DENND3: variants seen among roughly 807,000 people sequenced by gnomAD.
The protein encoded by DENND3 is DENN domain-containing protein 3.
A neutral mutation model predicts 135.1 loss-of-function variants in DENND3; 88 were observed. The ratio of observed to expected loss-of-function variants is 0.65; its 90% CI spans 0.55 to 0.78. DENND3 has a LOEUF of 0.78. Among genes scored for constraint, DENND3 ranks in the 30% least tolerant of loss-of-function variants. The pLI is 0.00. For synonymous variants in DENND3, 693 were observed against 712.3 expected (o/e 0.97, Z 0.43); for missense variants, 1,392 against 1,688.4 (o/e 0.82, Z 3.08).
At position 141,166,713 on chromosome 8, in the gene DENND3, G is replaced by A. The variant is rs567738112; in HGVS notation, c.1753+324G>A. On this transcript the variant is annotated intron_variant, in intron 12 of 22. Transcript: ENST00000519811. This position sits in a 1 kb window ranked among gnomAD's most constrained non-coding sequence, Gnocchi z 4.3. ...TAAATACATATTTACACATCCACAC[G>A]TGTGATAGGAGGCAGGGAGCGCACC... Among the ~76,000 whole-genome samples, 105 of 152,312 alleles carry A rather than the reference G, an allele frequency of 6.9e-4. No homozygotes were observed. The highest frequency in any genetic ancestry group is 1.1e-3 in the Non-Finnish European group (75 of 68,030).
Position 141,151,817 on chromosome 8 carries a change from C to A in DENND3, c.1054C>A (p.His352Asn). 6.2e-7 allele frequency: 1 copy of A among 1,614,198 alleles called. No homozygotes were observed. Among genetic ancestry groups the A allele is most frequent in the Non-Finnish European group, 8.5e-7 (1 of 1,180,044 alleles). Residue 352 changes from histidine to asparagine, a missense_variant, in exon 7 of 23, where the codon CAC (histidine) becomes AAC (asparagine). Coordinates refer to ENST00000519811, the MANE Select transcript of DENND3 (RefSeq NM_001352890.3). ...TSFLMGCHLD[H>N]FEEVSKEADG... ...CTTCCTGATGGGCTGCCATCTCGAC[C>A]ACTTCGAAGAAGTCAGCAAGGTTAG...
At chr8:141,190,447 C>A in intron 20 of DENND3, 30 bp downstream of exon 20, 1 of 1,581,712 alleles carries the variant, frequency 6.3e-7, no homozygotes. Context: ...TCAGAGCGGG[C>A]ACCCTACCTC....
intron 18 of DENND3, among the ~76,000 whole-genome samples, chr8:141,187,394 T>G (rs1185498321): frequency 6.6e-6 from 1 of 152,034 alleles, no homozygotes; most frequent in African/African-American, 2.4e-5. Context: ...CCGGCTAATT[T>G]TTGTATTTTG....
intron 17 of DENND3, 84 bp downstream of exon 17, chr8:141,180,938 T>A: frequency 9.3e-7 from 1 of 1,077,308 alleles, no homozygotes; most frequent in Non-Finnish European, 1.3e-6. Flanking sequence ...AGCCCTGAAG[T>A]GAAAGGGGAG....
chr8:141,128,780 C>A lies in DENND3; in HGVS notation c.73C>A (p.Pro25Thr). The change falls in exon 1 of 23, where the codon CCC becomes ACC. Residue 25 changes from proline to threonine, a missense_variant. Transcript: ENST00000519811. The surrounding 1 kb of genome is among the most constrained non-coding windows in gnomAD (Gnocchi z 4.5). ...LLELCALLGAPRDSLRSLEQV... is the reference protein window; with the variant it reads ...LLELCALLGATRDSLRSLEQV... Reference sequence around the variant, plus strand: ...GGAGCTCTGCGCGCTGCTGGGCGCCCCCCGGGACAGTCTCCGAAGTCTCGA... The same window carrying A: ...GGAGCTCTGCGCGCTGCTGGGCGCCACCCGGGACAGTCTCCGAAGTCTCGA... 1 of 1,462,952 alleles carries A rather than the reference C, an allele frequency of 6.8e-7. No homozygotes were observed. The highest frequency in any genetic ancestry group is 9.0e-7 in the Non-Finnish European group (1 of 1,108,634). 90.6% of individuals were successfully genotyped at this position (1,462,952 alleles called of 1,614,324 possible).
chr8:141,183,886 C>T (rs1589702840), intron 17 of DENND3, among the ~76,000 whole-genome samples: 1 of 152,304 alleles, frequency 6.6e-6, no homozygotes, highest in East Asian at 1.9e-4. Flanking sequence ...TCCAGGCCGC[C>T]ACCGCCCAGG....
chr8:141,134,047 C>G (rs1046341277), intron 1 of DENND3, among the ~76,000 whole-genome samples: 1 of 151,932 alleles, frequency 6.6e-6, no homozygotes, highest in African/African-American at 2.4e-5. Flanking sequence ...CAGAGAGGAG[C>G]CATCAGACCA....
chr8:141,154,007 T>C lies in DENND3; in HGVS notation c.1075-1842T>C, dbSNP rs1302574572. 6.6e-6 allele frequency among the ~76,000 whole-genome samples: 1 copy of C among 152,194 alleles called. No individual in the cohort carries two copies. The highest frequency in any genetic ancestry group is 1.5e-5 in the Non-Finnish European group (1 of 68,026). ...CAGGAAGGAGCTGGCAGTGACCCTA[T>C]GCGCCTCCACCAAACACTTGTGTCT... On this transcript the variant is annotated intron_variant, in intron 7 of 22. Transcript: ENST00000519811. The surrounding 1 kb of genome is among the most constrained non-coding windows in gnomAD (Gnocchi z 4.4).
At position 141,130,568 on chromosome 8, in the gene DENND3, A is replaced by T. The variant is rs1815906046; in HGVS notation, c.102+1759A>T. Among the ~76,000 whole-genome samples, 1 of 152,126 alleles carries T rather than the reference A, an allele frequency of 6.6e-6. No homozygotes were observed. Among genetic ancestry groups the T allele is most frequent in the Non-Finnish European group, 1.5e-5 (1 of 68,040 alleles). Reference sequence around the variant, plus strand: ...TAAGGAGCGTTAGGGGATGGATTCCATTTCTTGGAGCCATCCTACTTTTAA... The same window carrying T: ...TAAGGAGCGTTAGGGGATGGATTCCTTTTCTTGGAGCCATCCTACTTTTAA... On this transcript the variant is annotated intron_variant, in intron 1 of 22. Transcript: ENST00000519811. This position sits in a 1 kb window ranked among gnomAD's most constrained non-coding sequence, Gnocchi z 4.2.
chr8:141,175,165 G>GT lies in DENND3; in HGVS notation c.2276-34dup, dbSNP rs1444105790. The GT allele has an allele frequency of 6.3e-7, 1 of 1,590,958 alleles. No individual in the cohort carries two copies. On this transcript the variant is annotated intron_variant, in intron 13 of 22. Transcript: ENST00000519811. The surrounding 1 kb of genome is among the most constrained non-coding windows in gnomAD (Gnocchi z 5.4). Reference sequence around the variant, plus strand: ...CTTGGGGCTCCCGAGGTATGTGGCTGTAAGATACCTCTCTTTTCTTCTTAT... The same window carrying GT: ...CTTGGGGCTCCCGAGGTATGTGGCTGTTAAGATACCTCTCTTTTCTTCTTAT...
chr8:141,192,935 G>A (rs561297853), intron 22 of DENND3: 45 of 1,376,900 alleles, frequency 3.3e-5, no homozygotes, highest in Admixed American at 2.3e-4. Flanking sequence ...CACAGTTCTC[G>A]ACGCTGGAGG....
In DENND3 at chr8:141,128,917, G is replaced by A. The variant is rs1430098069; in HGVS notation, c.102+108G>A. The A allele has an allele frequency of 1.7e-5, 14 of 832,948 alleles. No homozygotes were observed. Among genetic ancestry groups the A allele is most frequent in the Non-Finnish European group, 2.3e-5 (14 of 601,190 alleles). 51.6% of individuals were successfully genotyped at this position (832,948 alleles called of 1,614,324 possible). ...CTGTGGGTTGGCGCGGACTTTCCGA[G>A]GGCTGAGTCCCGGTCCCCCGGCGGT... On this transcript the variant is annotated intron_variant, in intron 1 of 22. Coordinates refer to ENST00000519811, the MANE Select transcript of DENND3 (RefSeq NM_001352890.3). This position sits in a 1 kb window ranked among gnomAD's most constrained non-coding sequence, Gnocchi z 4.5.
intron 3 of DENND3, among the ~76,000 whole-genome samples, chr8:141,140,682 C>T (rs968727728): frequency 1.3e-5 from 2 of 152,204 alleles, no homozygotes; most frequent in Admixed American, 6.5e-5. Context: ...CATGCCCTTC[C>T]ATCCCTACAA....
rs115507316 is a variant in DENND3, at chr8:141,175,023, G to T, written c.2276-177G>T. 5.0e-3 allele frequency among the ~76,000 whole-genome samples: 769 copies of T among 152,298 alleles called. 11 individuals carry two copies. The highest frequency in any genetic ancestry group is 0.016 in the African/African-American group (648 of 41,562). On this transcript the variant is annotated intron_variant, in intron 13 of 22. Coordinates refer to ENST00000519811, the MANE Select transcript of DENND3 (RefSeq NM_001352890.3). This position sits in a 1 kb window ranked among gnomAD's most constrained non-coding sequence, Gnocchi z 5.4. Reference sequence around the variant, plus strand: ...TCCCTTGACAGCTGGACACACCTGGGCTGCAGGGAAGGCCCTGGGAAACCT... The same window carrying T: ...TCCCTTGACAGCTGGACACACCTGGTCTGCAGGGAAGGCCCTGGGAAACCT...
At position 141,138,224 on chromosome 8, in the gene DENND3, A is replaced by G; in HGVS notation, c.501+87A>G. On this transcript the variant is annotated intron_variant, in intron 3 of 22. Coordinates refer to ENST00000519811, the MANE Select transcript of DENND3 (RefSeq NM_001352890.3). This position sits in a 1 kb window ranked among gnomAD's most constrained non-coding sequence, Gnocchi z 4.8. ...CACATAACACAACATTCACCATTCT[A>G]ACCATTTTAAAGTGTGCAGTTCCGT... The G allele has an allele frequency of 7.4e-7, 1 of 1,359,774 alleles. No homozygotes were observed. The highest frequency in any genetic ancestry group is 1.0e-6 in the Non-Finnish European group (1 of 979,382). 84.2% of individuals were successfully genotyped at this position (1,359,774 alleles called of 1,614,324 possible). A position where few individuals can be genotyped will look rare whatever the true frequency, so the allele number is the denominator to read the frequency against.
chr8:141,181,584 A>C (rs1023130495), intron 17 of DENND3, among the ~76,000 whole-genome samples: 1 of 152,186 alleles, frequency 6.6e-6, no homozygotes, highest in Non-Finnish European at 1.5e-5. Flanking sequence ...TGGCAGGAGA[A>C]GGAAATGGGC....
Position 141,141,911 on chromosome 8 carries a change from G to A in DENND3, c.623+587G>A, listed in dbSNP as rs1817505147. 1.0e-5 allele frequency: 2 copies of A among 194,216 alleles called. No individual in the cohort carries two copies. Among genetic ancestry groups the A allele is most frequent in the Non-Finnish European group, 2.2e-5 (2 of 92,274 alleles). The allele number at this position is 194,216 out of a possible 1,614,324, so 12.0% of individuals were successfully genotyped here. On this transcript the variant is annotated intron_variant, in intron 4 of 22. Transcript: ENST00000519811. The surrounding 1 kb of genome is among the most constrained non-coding windows in gnomAD (Gnocchi z 5.3). ...ATTTAAAAACTAGTTGGGCATGGTG[G>A]TGTGTGCCTGTAGTCCCAGCTACTG...
rs1449024851 is a variant in DENND3, at chr8:141,182,837, C to G, written c.2944+1983C>G. ...GAGTTAGGAGAACCAGCCCTGAGGC[C>G]AGGCCACAGGTCAGCTCAGGCTCTG... On this transcript the variant is annotated intron_variant, in intron 17 of 22. Transcript: ENST00000519811. The surrounding 1 kb of genome is among the most constrained non-coding windows in gnomAD (Gnocchi z 5.9). 6.6e-6 allele frequency among the ~76,000 whole-genome samples: 1 copy of G among 152,204 alleles called. No individual in the cohort carries two copies. The highest frequency in any genetic ancestry group is 1.9e-4 in the East Asian group (1 of 5,188).
Position 141,130,721 on chromosome 8 carries a change from C to G in DENND3, c.102+1912C>G, listed in dbSNP as rs1242521297. Among the ~76,000 whole-genome samples the G allele has an allele frequency of 4.0e-5, 6 of 148,610 alleles. No homozygotes were observed. The highest frequency in any genetic ancestry group is 7.4e-5 in the Non-Finnish European group (5 of 67,480). On this transcript the variant is annotated intron_variant, in intron 1 of 22. Transcript: ENST00000519811. The surrounding 1 kb of genome is among the most constrained non-coding windows in gnomAD (Gnocchi z 4.2). Reference sequence around the variant, plus strand: ...TTTTTTTTTGAGACAGAGTTTTGCTCTGTTGCCCAGGATGGAGTGCCATGG... The same window carrying G: ...TTTTTTTTTGAGACAGAGTTTTGCTGTGTTGCCCAGGATGGAGTGCCATGG...
Sources: gnomAD v4.1 joint callset for allele counts (sites outside exome capture counted in the v4.1 genomes callset) on GRCh38, gnomAD v4.1.1 for gene constraint, Gnocchi (gnomAD v3.1) non-coding constraint, MANE v1.5 for transcripts, NCBI Gene and HGNC (gene_info 2026-07-23, HGNC 2026-07-21) for gene names.